Variants in CHM observed in about 807,000 individuals in gnomAD.
CHM encodes the protein CHM Rab escort protein, also known as rab proteins geranylgeranyltransferase component A 1.
A neutral mutation model predicts 49.0 loss-of-function variants in CHM; 10 were observed. The observed-to-expected ratio is 0.20, with a 90% CI of 0.13 to 0.35. CHM has a LOEUF of 0.35. Among genes scored for constraint, CHM ranks in the 10% least tolerant of loss-of-function variants. The probability of loss-of-function intolerance (pLI) is 1.00; values close to 1 mark genes in which losing one functional copy is unlikely to be tolerated. For synonymous variants in CHM, 184 were observed against 167.5 expected (o/e 1.10, Z -0.76); for missense variants, 455 against 478.4 (o/e 0.95, Z 0.46).
chrX:85,958,231 T>A (rs1381290349), intron 6 of CHM, among the ~76,000 whole-genome samples: 1 of 112,080 alleles, frequency 8.9e-6, no homozygotes, highest in Non-Finnish European at 1.9e-5. Flanking sequence ...CAGAGAAAAA[T>A]TTAGCAGTGC....
chrX:85,978,724 A>G (rs1489610106), intron 4 of CHM, 43 bp downstream of exon 4: 2 of 1,160,250 alleles, frequency 1.7e-6, no homozygotes, highest in Non-Finnish European at 2.3e-6. Flanking sequence ...GAAGAGTGAA[A>G]AAGTCATTAA....
chrX:85,893,219 G>C (rs1326955811), intron 12 of CHM, among the ~76,000 whole-genome samples: 1 of 111,440 alleles, frequency 9.0e-6, no homozygotes, highest in Non-Finnish European at 1.9e-5. Context: ...AATACTTATA[G>C]TACATAGCTT....
chrX:86,041,759 C>CAT (rs1934478565), intron 1 of CHM, among the ~76,000 whole-genome samples: 39 of 64,575 alleles, frequency 6.0e-4, no homozygotes, highest in African/African-American at 2.2e-3. Context: ...TATATATATA[C>CAT]ATATATATAT....
chrX:86,039,600 T>C (rs958170557), intron 1 of CHM, among the ~76,000 whole-genome samples: 4 of 108,681 alleles, frequency 3.7e-5, no homozygotes, highest in African/African-American at 1.3e-4. Flanking sequence ...AGGGAAATTC[T>C]AGGCAGAAAA....
chrX:85,970,537 A>G (rs1189589913), intron 4 of CHM: 18 of 639,801 alleles, frequency 2.8e-5, no homozygotes, highest in Non-Finnish European at 3.2e-5. Context: ...TTAGAAAAAC[A>G]CAAGTTCAAA....
chrX:85,886,669 G>A (rs1925105255), intron 12 of CHM, among the ~76,000 whole-genome samples: 1 of 110,862 alleles, frequency 9.0e-6, no homozygotes, highest in Non-Finnish European at 1.9e-5. Context: ...TCAGAAGACA[G>A]ACTGAGAACA....
At chrX:85,943,373 G>T (rs559716017) in intron 8 of CHM, among the ~76,000 whole-genome samples, 123 of 112,239 alleles carry the variant, frequency 1.1e-3, no homozygotes, top group Non-Finnish European at 2.0e-3. Flanking sequence ...GGGCTCCTCA[G>T]CATTAATGCT....
chrX:85,924,199 T>A (rs1411305324), intron 8 of CHM, among the ~76,000 whole-genome samples: 1 of 109,682 alleles, frequency 9.1e-6, no homozygotes. Flanking sequence ...GGGGCAAGAG[T>A]GAAAGAGGGG....
chrX:86,038,440 C>T (rs892847371), intron 1 of CHM, among the ~76,000 whole-genome samples: 1 of 111,829 alleles, frequency 8.9e-6, no homozygotes, highest in East Asian at 2.8e-4. Flanking sequence ...ATCTTACAAA[C>T]GTTGATTAAT....
At chrX:86,037,614 T>G (rs1009219265) in intron 1 of CHM, among the ~76,000 whole-genome samples, 1 of 111,210 alleles carries the variant, frequency 9.0e-6, no homozygotes, top group Non-Finnish European at 1.9e-5. Flanking sequence ...GCATTACTCA[T>G]AAAACTGTGA....
intron 4 of CHM, chrX:85,971,664 C>T (rs1930922420): frequency 1.9e-5 from 4 of 210,878 alleles, no homozygotes; most frequent in East Asian, 3.7e-4. Flanking sequence ...GGGACCGGAG[C>T]TGGTTGCCAC....
chrX:85,971,156 T>C (rs1180783600), intron 4 of CHM: 17 of 749,228 alleles, frequency 2.3e-5, no homozygotes, highest in Middle Eastern at 1.5e-3. Flanking sequence ...CCAAATACTT[T>C]GACGTATTTT....
chrX:85,918,698 T>C (rs965044309), intron 8 of CHM, among the ~76,000 whole-genome samples: 2 of 111,720 alleles, frequency 1.8e-5, no homozygotes, highest in African/African-American at 6.5e-5. Context: ...AAGTAAACAG[T>C]TGGAAAAAGA....
chrX:85,993,233 T>G (rs187626703), intron 2 of CHM, among the ~76,000 whole-genome samples: 2 of 111,324 alleles, frequency 1.8e-5, no homozygotes, highest in African/African-American at 6.5e-5. Context: ...AAAGACAAAT[T>G]TATTATCTGT....
intron 4 of CHM, chrX:85,970,432 T>C: frequency 2.7e-6 from 2 of 753,892 alleles, no homozygotes; most frequent in Non-Finnish European, 3.1e-6. Flanking sequence ...CTTAATTCAC[T>C]TGGTGGAACG....
chrX:85,879,203 GAAGTACCCAAC>G (rs1223782802), intron 12 of CHM, 140 bp from the exon 13 acceptor site: 2 of 461,381 alleles, frequency 4.3e-6, no homozygotes, highest in Admixed American at 6.7e-5. Context: ...ACAGCTAAAG[GAAGTACCCAAC>G]AAGTACCCAA....
At position 85,864,647 on chromosome X, in the gene CHM, C is replaced by G; in HGVS notation, c.1945G>C (p.Glu649Gln). 1 of 1,209,632 alleles carries G rather than the reference C, an allele frequency of 8.3e-7. No individual in the cohort carries two copies. The highest frequency in any genetic ancestry group is 1.8e-5 in the South Asian group (1 of 56,656). ...FKESTNLGNL[E>Q]ESSE ...TATATCCATTATTCAGAGGACTCCTCTAGGTTTCCAAGGTTTGTGCTTTCC... is the reference window on the plus strand; with the variant it reads ...TATATCCATTATTCAGAGGACTCCTGTAGGTTTCCAAGGTTTGTGCTTTCC... Residue 649 changes from glutamate to glutamine, a missense_variant, in exon 15 of 15, where the codon GAG (glutamate) becomes CAG (glutamine). Coordinates refer to ENST00000357749, the MANE Select transcript of CHM (RefSeq NM_000390.4).
At chrX:85,969,217 A>G (rs1282068327) in intron 4 of CHM, 8 of 736,281 alleles carry the variant, frequency 1.1e-5, no homozygotes, top group Non-Finnish European at 1.3e-5. Flanking sequence ...AACGTTCAGT[A>G]CAATGCAGAA....
At chrX:85,911,360 A>T in intron 8 of CHM, 22 bp from the exon 9 acceptor site, 1 of 898,842 alleles carries the variant, frequency 1.1e-6, no homozygotes, top group Non-Finnish European at 1.5e-6. Flanking sequence ...ACAGAAAAAT[A>T]AGAATTAGGG....
Sources: allele counts gnomAD v4.1 joint callset (sites outside exome capture counted in the v4.1 genomes callset), GRCh38; gene constraint gnomAD v4.1.1; transcripts MANE v1.5; gene names NCBI Gene and HGNC (gene_info 2026-07-23, HGNC 2026-07-21).